The following KAZN variants were observed in gnomAD, a reference collection of about 807,000 sequenced individuals.
The protein encoded by KAZN is kazrin, periplakin interacting protein.
Under a neutral mutation model 87.4 loss-of-function variants are expected in KAZN, and 40 were observed. That is an observed-to-expected ratio of 0.46 (90% CI 0.36 to 0.60). KAZN has a LOEUF of 0.60. KAZN is among the 20% of genes least tolerant of loss of function. The pLI is 0.00. For missense variants in KAZN, 898 were observed against 1,073.9 expected (o/e 0.84, Z 2.29); for synonymous variants, 466 against 458.3 (o/e 1.02, Z -0.22).
At chr1:14,040,915 A>G (rs1181257418) in intron 1 of KAZN, among the ~76,000 whole-genome samples, 1 of 152,162 alleles carries the variant, frequency 6.6e-6, no homozygotes, top group Non-Finnish European at 1.5e-5. Context: ...ATTAAATTAC[A>G]TTTTTAAAGT....
intron 8 of KAZN, among the ~76,000 whole-genome samples, chr1:15,087,850 CA>C (rs2100655862): frequency 6.6e-6 from 1 of 152,354 alleles, no homozygotes; most frequent in South Asian, 2.1e-4. Flanking sequence ...ATGTCAGACA[CA>C]AGGCTGAACA....
chr1:14,202,364 A>G lies in KAZN; in HGVS notation c.249+21772A>G, dbSNP rs372463080. Among the ~76,000 whole-genome samples, 11 of 152,302 alleles carry G rather than the reference A, an allele frequency of 7.2e-5. 1 individual carries two copies. Among genetic ancestry groups the G allele is most frequent in the African/African-American group, 2.6e-4 (11 of 41,562 alleles). On this transcript the variant is annotated intron_variant, in intron 2 of 16. Coordinates refer to the KAZN transcript ENST00000636203. ...GAAGTTTTTAGGGAAGGCATTCTAA[A>G]TATGTGACTAGCTGAGACAGCATTA...
chr1:14,785,045 G>T (rs561966490), intron 1 of KAZN, among the ~76,000 whole-genome samples: 1 of 151,568 alleles, frequency 6.6e-6, no homozygotes, highest in Non-Finnish European at 1.5e-5. Flanking sequence ...ATGTAAGCAC[G>T]GGGGTGCATA....
intron 2 of KAZN, among the ~76,000 whole-genome samples, chr1:14,532,180 A>T (rs10927458): frequency 3.1e-4 from 47 of 152,056 alleles, no homozygotes; most frequent in African/African-American, 1.1e-3. Flanking sequence ...TTTCTTTCCC[A>T]GCTGCTTCTT....
At chr1:14,187,487 T>C (rs915268509) in intron 2 of KAZN, among the ~76,000 whole-genome samples, 2 of 152,216 alleles carry the variant, frequency 1.3e-5, no homozygotes, top group African/African-American at 4.8e-5. Context: ...TCTACTGTGA[T>C]GTTGGCAAAT....
At chr1:14,542,935 G>A (rs190258082) in intron 2 of KAZN, among the ~76,000 whole-genome samples, 1 of 137,902 alleles carries the variant, frequency 7.3e-6, no homozygotes, top group South Asian at 2.6e-4. Flanking sequence ...AGAAGTGGCA[G>A]CCCTGCTCTT....
At chr1:14,586,914 C>A (rs1436154121) in intron 2 of KAZN, among the ~76,000 whole-genome samples, 3 of 152,114 alleles carry the variant, frequency 2.0e-5, no homozygotes, top group Non-Finnish European at 4.4e-5. Flanking sequence ...CTAAAATCCA[C>A]AAATTGGGTG....
intron 2 of KAZN, among the ~76,000 whole-genome samples, chr1:14,506,851 T>C (rs1670609378): frequency 6.6e-6 from 1 of 152,220 alleles, no homozygotes. Flanking sequence ...TAGGAAAAGA[T>C]ACGGTGGCTA....
intron 2 of KAZN, among the ~76,000 whole-genome samples, chr1:14,375,268 C>T (rs1660805084): frequency 2.0e-5 from 3 of 152,060 alleles, no homozygotes; most frequent in East Asian, 1.9e-4. Context: ...AAATAAGGGA[C>T]CATCACAGAA....
rs372858615 is a variant in KAZN at position 14,254,019 on chromosome 1, A to G, written c.249+73427A>G. ...TTTATTTCATTTTTGGAGTTTATGA[A>G]ATGTCTTAACTGTTAAGTCACAGAA... On this transcript the variant is annotated intron_variant, in intron 2 of 16. Transcript: ENST00000636203. Among the ~76,000 whole-genome samples, 11 of 151,944 alleles carry G rather than the reference A, an allele frequency of 7.2e-5. No homozygotes were observed. The East Asian group carries it at 1.2e-3, about 16-fold the overall frequency.
At chr1:14,081,107 T>C (rs534797405) in intron 1 of KAZN, among the ~76,000 whole-genome samples, 1 of 113,404 alleles carries the variant, frequency 8.8e-6, no homozygotes, top group South Asian at 2.8e-4. Flanking sequence ...ATGGTGTTGG[T>C]TTTTTTTTTT....
chr1:14,126,466 C>A (rs1291310974), intron 1 of KAZN, among the ~76,000 whole-genome samples: 1 of 151,790 alleles, frequency 6.6e-6, no homozygotes, highest in African/African-American at 2.4e-5. Context: ...TATTCACTGG[C>A]AGACTGGGAA....
chr1:15,018,833 C>T (rs1486924355), intron 2 of KAZN, among the ~76,000 whole-genome samples: 1 of 152,106 alleles, frequency 6.6e-6, no homozygotes, highest in African/African-American at 2.4e-5. Context: ...AGCTGCCCTC[C>T]CCTCCCATTA....
At chr1:15,041,904 C>G (rs2100316756) in intron 3 of KAZN, among the ~76,000 whole-genome samples, 1 of 152,294 alleles carries the variant, frequency 6.6e-6, no homozygotes, top group East Asian at 1.9e-4. Flanking sequence ...CCTCAGTTTG[C>G]TCATCTGTGA....
At chr1:13,902,661 C>T (rs551982777) in intron 1 of KAZN, among the ~76,000 whole-genome samples, 5 of 152,096 alleles carry the variant, frequency 3.3e-5, no homozygotes, top group Middle Eastern at 3.4e-3. Flanking sequence ...TAATTAATTG[C>T]GTATTTCAAA....
intron 1 of KAZN, among the ~76,000 whole-genome samples, chr1:14,910,906 A>G (rs1657175122): frequency 6.6e-6 from 1 of 152,198 alleles, no homozygotes; most frequent in African/African-American, 2.4e-5. Context: ...ACACTGTGGG[A>G]AAAACAAAAT....
Position 15,099,830 on chromosome 1 carries a change from C to T in KAZN, c.1548-1713C>T, listed in dbSNP as rs1640974859. Among the ~76,000 whole-genome samples, 1 of 152,156 alleles carries T rather than the reference C, an allele frequency of 6.6e-6. No homozygotes were observed. The highest frequency in any genetic ancestry group is 2.4e-5 in the African/African-American group (1 of 41,426). Reference sequence around the variant, plus strand: ...GAGCAGCCGGGGAAAGTGGCAGAAACCCACACCAGAGACGCCTGCAGCTTA... The same window carrying T: ...GAGCAGCCGGGGAAAGTGGCAGAAATCCACACCAGAGACGCCTGCAGCTTA... On this transcript the variant is annotated intron_variant, in intron 10 of 14. Transcript: ENST00000376030. This position sits in a 1 kb window ranked among gnomAD's most constrained non-coding sequence, Gnocchi z 5.4.
At chr1:14,859,700 A>G (rs1411685965) in intron 1 of KAZN, among the ~76,000 whole-genome samples, 2 of 152,168 alleles carry the variant, frequency 1.3e-5, no homozygotes, top group African/African-American at 2.4e-5. Context: ...TCTTTTCTCT[A>G]TCACAGCTGT....
chr1:14,848,357 T>A (rs952910217), intron 1 of KAZN, among the ~76,000 whole-genome samples: 27 of 152,240 alleles, frequency 1.8e-4, no homozygotes, highest in Admixed American at 1.1e-3. Flanking sequence ...TCAGCCTGAG[T>A]TCTATCTCTC....
Sources: gnomAD v4.1 joint callset for allele counts (sites outside exome capture counted in the v4.1 genomes callset) on GRCh38, gnomAD v4.1.1 for gene constraint, Gnocchi (gnomAD v3.1) non-coding constraint, MANE v1.5 for transcripts, NCBI Gene and HGNC (gene_info 2026-07-23, HGNC 2026-07-21) for gene names.